The following CNST variants were observed in gnomAD, a reference collection of about 807,000 sequenced individuals.
CNST encodes consortin, connexin sorting protein, also known as consortin.
Under a neutral mutation model 72.4 loss-of-function variants are expected in CNST, and 39 were observed. That is an observed-to-expected ratio of 0.54 (90% CI 0.42 to 0.70). The LOEUF is 0.70. CNST is among the 30% of genes least tolerant of loss of function. CNST has a pLI of 0.00. For synonymous variants in CNST, 332 were observed against 320.1 expected (o/e 1.04, Z -0.40); for missense variants, 871 against 868.5 (o/e 1.00, Z -0.04).
intron 9 of CNST, among the ~76,000 whole-genome samples, chr1:246,649,701 A>G (rs1397654794): frequency 1.3e-5 from 2 of 151,940 alleles, no homozygotes; most frequent in East Asian, 3.9e-4. Context: ...ACACACTGAT[A>G]ATCATATGGT....
intron 2 of CNST, among the ~76,000 whole-genome samples, chr1:246,596,866 A>G (rs1376067610): frequency 1.3e-5 from 2 of 152,178 alleles, no homozygotes; most frequent in African/African-American, 2.4e-5. Flanking sequence ...ACATGTTTTC[A>G]TGGTTGACCC....
At chr1:246,568,963 G>T (rs150491962) in intron 1 of CNST, among the ~76,000 whole-genome samples, 72 of 152,040 alleles carry the variant, frequency 4.7e-4, no homozygotes, top group African/African-American at 1.7e-3. Flanking sequence ...CAAATTCCTG[G>T]CCTCATGCAA....
chr1:246,578,145 A>G (rs1288857458), intron 1 of CNST, among the ~76,000 whole-genome samples: 1 of 152,100 alleles, frequency 6.6e-6, no homozygotes, highest in Non-Finnish European at 1.5e-5. Context: ...GAGGATTGTA[A>G]AAGAAGTAAT....
intron 10 of CNST, 152 bp from the exon 11 acceptor site, chr1:246,665,548 A>C: frequency 3.1e-6 from 2 of 638,604 alleles, no homozygotes; most frequent in Non-Finnish European, 5.5e-6. Flanking sequence ...GTCTTTGTAG[A>C]GTCATTAGCA....
chr1:246,642,130 CTGGT>C, intron 8 of CNST, 93 bp downstream of exon 8: 8 of 214,382 alleles, frequency 3.7e-5, no homozygotes, highest in East Asian at 3.0e-4. Flanking sequence ...TGCAAAGGAT[CTGGT>C]TTTTTTTTTT....
intron 6 of CNST, among the ~76,000 whole-genome samples, chr1:246,636,010 A>C (rs886645753): frequency 6.6e-6 from 1 of 152,160 alleles, no homozygotes; most frequent in African/African-American, 2.4e-5. Context: ...CCCATATCCA[A>C]AGGAATCCAT....
At chr1:246,638,971 A>G (rs1665494421) in intron 6 of CNST, among the ~76,000 whole-genome samples, 1 of 152,116 alleles carries the variant, frequency 6.6e-6, no homozygotes, top group African/African-American at 2.4e-5. Context: ...GCAGTGAGCT[A>G]GCATGTCTTT....
At chr1:246,664,874 T>G (rs1371774377) in intron 10 of CNST, among the ~76,000 whole-genome samples, 1 of 152,228 alleles carries the variant, frequency 6.6e-6, no homozygotes, top group Non-Finnish European at 1.5e-5. Context: ...CTTTTTGAAA[T>G]TAAAATTTTT....
intron 1 of CNST, among the ~76,000 whole-genome samples, chr1:246,585,664 TATACACACAC>T (rs373053405): frequency 0.033 from 1,289 of 39,604 alleles, 75 homozygotes; most frequent in African/African-American, 0.13. Flanking sequence ...AAAAAAAAAA[TATACACACAC>T]ACACACACAC....
chr1:246,595,107 C>T lies in CNST; in HGVS notation c.379+3166C>T, dbSNP rs181542275. Among the ~76,000 whole-genome samples, 11 of 152,200 alleles carry T rather than the reference C, an allele frequency of 7.2e-5. No homozygotes were observed. The East Asian group carries it at 1.9e-3, about 27-fold the overall frequency. Reference sequence around the variant, plus strand: ...CCTGTCTGCCCGGGCTGGCCATGGACGAGGCGGGACTGAGTGTCCTGGGGT... The same window carrying T: ...CCTGTCTGCCCGGGCTGGCCATGGATGAGGCGGGACTGAGTGTCCTGGGGT... On this transcript the variant is annotated intron_variant, in intron 2 of 10. Coordinates refer to ENST00000366513, the MANE Select transcript of CNST (RefSeq NM_152609.3).
intron 2 of CNST, chr1:246,606,476 T>G (rs1214299079): frequency 1.3e-5 from 2 of 152,082 alleles, no homozygotes; most frequent in African/African-American, 4.8e-5. Context: ...CCCTCTTCTG[T>G]TAATAAGTAG....
intron 2 of CNST, among the ~76,000 whole-genome samples, chr1:246,600,451 T>C (rs189276873): frequency 1.3e-5 from 2 of 152,312 alleles, no homozygotes; most frequent in East Asian, 3.9e-4. Context: ...GTTAAGGGGT[T>C]TTACAGTAAC....
intron 2 of CNST, among the ~76,000 whole-genome samples, chr1:246,609,113 T>C (rs1663128579): frequency 6.6e-6 from 1 of 152,204 alleles, no homozygotes; most frequent in Non-Finnish European, 1.5e-5. Flanking sequence ...GTGGTAATTA[T>C]GTCATAATCA....
intron 2 of CNST, among the ~76,000 whole-genome samples, chr1:246,614,924 G>A (rs763598656): frequency 1.8e-4 from 28 of 152,036 alleles, no homozygotes; most frequent in Non-Finnish European, 2.5e-4. Context: ...AATATCTGCC[G>A]ATCAATGCTA....
intron 9 of CNST, among the ~76,000 whole-genome samples, chr1:246,653,921 G>T (rs960370321): frequency 6.6e-6 from 1 of 152,172 alleles, no homozygotes; most frequent in African/African-American, 2.4e-5. Context: ...AATGAGTTAG[G>T]TGTAGAGTGA....
At chr1:246,659,184 C>T (rs2103162947) in intron 9 of CNST, among the ~76,000 whole-genome samples, 1 of 152,320 alleles carries the variant, frequency 6.6e-6, no homozygotes, top group East Asian at 1.9e-4. Context: ...AGCAGCTGTG[C>T]ACAGTGTTCA....
intron 6 of CNST, among the ~76,000 whole-genome samples, chr1:246,640,339 G>C (rs1254702902): frequency 1.3e-5 from 2 of 152,168 alleles, no homozygotes; most frequent in African/African-American, 4.8e-5. Flanking sequence ...TTTAGGAGTA[G>C]TCTGATGCTA....
intron 3 of CNST, among the ~76,000 whole-genome samples, chr1:246,630,565 GC>G (rs1393856387): frequency 4.6e-5 from 7 of 152,170 alleles, no homozygotes; most frequent in Non-Finnish European, 5.9e-5. Flanking sequence ...TTAAAAGTAT[GC>G]TGTTTCCCCT....
intron 4 of CNST, chr1:246,632,497 G>T: frequency 5.3e-6 from 1 of 187,500 alleles, no homozygotes; most frequent in South Asian, 1.6e-4. Flanking sequence ...ATTAGTGGAA[G>T]AGTGTATTTT....
Sources: gnomAD v4.1 joint callset for allele counts (sites outside exome capture counted in the v4.1 genomes callset) on GRCh38, gnomAD v4.1.1 for gene constraint, MANE v1.5 for transcripts, NCBI Gene and HGNC (gene_info 2026-07-23, HGNC 2026-07-21) for gene names.